DISC1: variants seen among roughly 807,000 people sequenced by gnomAD.
DISC1 encodes the protein disrupted in schizophrenia 1 protein.
DISC1 carries 57 observed loss-of-function variants against 84.5 expected under a neutral mutation model. The ratio of observed to expected loss-of-function variants is 0.67; its 90% CI spans 0.55 to 0.84. The LOEUF (loss-of-function observed/expected upper bound fraction) is 0.84, where lower values mean the gene tolerates loss of function less well. DISC1 is among the 40% of genes least tolerant of loss of function. The pLI, the probability that DISC1 is intolerant of heterozygous loss-of-function variation, is 0.00. For synonymous variants in DISC1, 411 were observed against 415.2 expected (o/e 0.99, Z 0.12); for missense variants, 1,000 against 1,057.8 (o/e 0.95, Z 0.76).
intron 9 of DISC1, among the ~76,000 whole-genome samples, chr1:231,927,991 G>T (rs570048130): frequency 1.3e-5 from 2 of 152,312 alleles, no homozygotes; most frequent in Non-Finnish European, 2.9e-5. Flanking sequence ...ACTCCCTTCA[G>T]CAGTTCTCCT....
intron 4 of DISC1, among the ~76,000 whole-genome samples, chr1:231,760,276 C>T (rs1198680698): frequency 4.6e-5 from 7 of 152,092 alleles, no homozygotes; most frequent in African/African-American, 1.4e-4. Context: ...TTTAGGGCAT[C>T]GTTTATTGAA....
At chr1:231,854,470 G>A (rs1272939256) in intron 9 of DISC1, among the ~76,000 whole-genome samples, 1 of 152,182 alleles carries the variant, frequency 6.6e-6, no homozygotes, top group East Asian at 1.9e-4. Flanking sequence ...TATATAAAAG[G>A]TAGAGCAGTA....
chr1:231,941,999 T>G, intron 9 of DISC1, among the ~76,000 whole-genome samples: 1 of 151,396 alleles, frequency 6.6e-6, no homozygotes, highest in Non-Finnish European at 1.5e-5. Flanking sequence ...AGACAGAGGA[T>G]GGGGAAAGAG....
At chr1:231,958,733 A>G in intron 9 of DISC1, 95 bp from the exon 10 acceptor site, 1 of 1,232,696 alleles carries the variant, frequency 8.1e-7, no homozygotes. Context: ...TAGTGGCTTG[A>G]CCTCAATCCT....
intron 6 of DISC1, among the ~76,000 whole-genome samples, chr1:231,779,684 G>A (rs368567296): frequency 5.5e-4 from 83 of 150,836 alleles, no homozygotes; most frequent in African/African-American, 1.9e-3. Context: ...CTCAGCCGCC[G>A]GAGTAGCTGG....
At chr1:231,892,482 TA>T (rs1334221692) in intron 9 of DISC1, among the ~76,000 whole-genome samples, 2 of 152,064 alleles carry the variant, frequency 1.3e-5, no homozygotes, top group African/African-American at 4.8e-5. Context: ...ACCAATAAAA[TA>T]GAGGTAAAGA....
intron 9 of DISC1, among the ~76,000 whole-genome samples, chr1:231,833,367 T>G (rs2082386117): frequency 6.6e-6 from 1 of 151,114 alleles, no homozygotes; most frequent in Non-Finnish European, 1.5e-5. Context: ...AGCCTCCATA[T>G]TGATTAAGAA....
At chr1:232,002,344 A>G (rs1666797164) in intron 10 of DISC1, among the ~76,000 whole-genome samples, 1 of 152,238 alleles carries the variant, frequency 6.6e-6, no homozygotes, top group Non-Finnish European at 1.5e-5. Context: ...ACATGTAACT[A>G]TGATACAACC....
At chr1:231,808,329 A>G (rs2079928139) in intron 8 of DISC1, among the ~76,000 whole-genome samples, 1 of 152,220 alleles carries the variant, frequency 6.6e-6, no homozygotes, top group Non-Finnish European at 1.5e-5. Context: ...CTTGAGTCAC[A>G]TCTTTGCACA....
intron 9 of DISC1, among the ~76,000 whole-genome samples, chr1:231,941,412 C>A (rs1366240786): frequency 1.3e-5 from 2 of 151,812 alleles, no homozygotes; most frequent in Non-Finnish European, 2.9e-5. Flanking sequence ...TAGGAGAGCT[C>A]ATAGATAATC....
At chr1:231,751,930 A>G (rs201196061) in intron 4 of DISC1, among the ~76,000 whole-genome samples, 1 of 152,202 alleles carries the variant, frequency 6.6e-6, no homozygotes, top group Non-Finnish European at 1.5e-5. Flanking sequence ...ATATATTGAT[A>G]TCTACATGTA....
intron 9 of DISC1, among the ~76,000 whole-genome samples, chr1:231,876,912 C>T (rs2085925668): frequency 6.6e-6 from 1 of 152,150 alleles, no homozygotes; most frequent in Admixed American, 6.5e-5. Context: ...GGGTAATGGG[C>T]AGGGTGTGTA....
At chr1:231,723,727 T>A (rs1208270067) in intron 3 of DISC1, 1 of 985,476 alleles carries the variant, frequency 1.0e-6, no homozygotes, top group Non-Finnish European at 1.2e-6. Flanking sequence ...TTCCCTTCCC[T>A]GGCAGACAGA....
chr1:232,018,304 A>G (rs1668662390), intron 11 of DISC1, among the ~76,000 whole-genome samples: 1 of 152,154 alleles, frequency 6.6e-6, no homozygotes. Flanking sequence ...TAAAATTTTA[A>G]ATGTTGGTAT....
chr1:231,884,332 G>T (rs184335037), intron 9 of DISC1, among the ~76,000 whole-genome samples: 20 of 152,284 alleles, frequency 1.3e-4, no homozygotes, highest in African/African-American at 4.6e-4. Flanking sequence ...CCACTTATAA[G>T]CGAGAACGTG....
intron 1 of DISC1, among the ~76,000 whole-genome samples, chr1:231,645,270 A>T (rs920632336): frequency 6.6e-6 from 1 of 152,062 alleles, no homozygotes; most frequent in African/African-American, 2.4e-5. Flanking sequence ...TGGTAGACAC[A>T]CCGGTCATCA....
At chr1:231,718,434 CTCT>C (rs1268100737) in intron 3 of DISC1, among the ~76,000 whole-genome samples, 4 of 123,220 alleles carry the variant, frequency 3.2e-5, no homozygotes, top group African/African-American at 1.4e-4. Context: ...AACTTTCTCT[CTCT>C]TTTTTTTTTT....
intron 12 of DISC1, among the ~76,000 whole-genome samples, chr1:232,029,261 C>T (rs1288266639): frequency 6.6e-6 from 1 of 152,178 alleles, no homozygotes; most frequent in East Asian, 1.9e-4. Flanking sequence ...GACTTTTCTT[C>T]GAATCCCAGT....
chr1:231,984,088 A>G (rs1314580300), intron 10 of DISC1, among the ~76,000 whole-genome samples: 1 of 152,188 alleles, frequency 6.6e-6, no homozygotes, highest in East Asian at 1.9e-4. Flanking sequence ...CTGCCCCCAG[A>G]CTCCATAAAG....
Sources: gnomAD v4.1 joint callset for allele counts (sites outside exome capture counted in the v4.1 genomes callset) on GRCh38, gnomAD v4.1.1 for gene constraint, MANE v1.5 for transcripts, NCBI Gene and HGNC (gene_info 2026-07-23, HGNC 2026-07-21) for gene names.